The following LRCH2 variants were observed in gnomAD, a reference collection of about 807,000 sequenced individuals.
LRCH2 encodes leucine-rich repeat and calponin homology domain-containing protein 2.
Under a neutral mutation model 68.9 loss-of-function variants are expected in LRCH2, and 38 were observed. The observed-to-expected ratio is 0.55, with a 90% CI of 0.43 to 0.72. The LOEUF (loss-of-function observed/expected upper bound fraction) is 0.72. LRCH2 is among the 30% of genes least tolerant of loss of function. The probability of loss-of-function intolerance (pLI) is 0.00; values close to 1 mark genes in which losing one functional copy is unlikely to be tolerated. For synonymous variants in LRCH2, 191 were observed against 208.1 expected, an observed-to-expected ratio of 0.92 and a Z score of 0.71; for missense variants, 528 against 572.9, an observed-to-expected ratio of 0.92 and a Z score of 0.80.
At chrX:115,176,361 T>C (rs782728948) in intron 5 of LRCH2, among the ~76,000 whole-genome samples, 1 of 111,908 alleles carries the variant, frequency 8.9e-6, no homozygotes, top group Admixed American at 9.5e-5. Flanking sequence ...ACAGGCATCC[T>C]AACAAGTGTG....
At chrX:115,124,607 T>C (rs782156338) in intron 16 of LRCH2, among the ~76,000 whole-genome samples, 9 of 112,329 alleles carry the variant, frequency 8.0e-5, no homozygotes, top group Non-Finnish European at 1.5e-4. Flanking sequence ...TGATTGTTTC[T>C]TCATCTTTCA....
rs782185137 is a variant in LRCH2 at position 115,130,155 on chromosome X, CTCA to C, written c.1737_1739del (p.Asp579del). ...AATTATTAATATTATCTTTTCTCAC[CTCA>C]TCATTTTCATTGCCACTTGAACTCT... On this transcript the variant is annotated inframe_deletion and splice_region_variant, in exon 15 of 21. Transcript: ENST00000317135. 2.0e-6 allele frequency: 2 copies of C among 1,021,814 alleles called. No individual in the cohort carries two copies. The highest frequency in any genetic ancestry group is 6.6e-5 in the East Asian group (2 of 30,423). 84.2% of individuals were successfully genotyped at this position (1,021,814 alleles called of 1,213,427 possible).
chrX:115,181,393 A>C (rs782484582), intron 3 of LRCH2, among the ~76,000 whole-genome samples: 1 of 112,519 alleles, frequency 8.9e-6, no homozygotes, highest in South Asian at 3.6e-4. Flanking sequence ...TGAAAATGTT[A>C]TTTAAACATT....
At position 115,190,119 on chromosome X, in the gene LRCH2, G is replaced by A. The variant is rs782549198; in HGVS notation, c.350-1749C>T. 1.7e-5 allele frequency: 20 copies of A among 1,156,775 alleles called. No homozygotes were observed. The South Asian group carries it at 2.5e-4, about 15-fold the overall frequency. On this transcript the variant is annotated intron_variant, in intron 1 of 20. Transcript: ENST00000317135. Reference sequence around the variant, plus strand: ...GCAGTGGAATGCCTGGGAAGGCCCCGGCCGTGTGGGGGCAAGATGGCTACT... The same window carrying A: ...GCAGTGGAATGCCTGGGAAGGCCCCAGCCGTGTGGGGGCAAGATGGCTACT...
chrX:115,193,122 TAAAAA>T (rs1394007637), intron 1 of LRCH2, among the ~76,000 whole-genome samples: 9 of 111,081 alleles, frequency 8.1e-5, no homozygotes, highest in Admixed American at 9.6e-5. Context: ...TTCCCAGTAT[TAAAAA>T]CCAAACAACC....
intron 12 of LRCH2, among the ~76,000 whole-genome samples, chrX:115,154,936 G>C (rs868947650): frequency 6.6e-5 from 7 of 105,441 alleles, no homozygotes; most frequent in South Asian, 4.4e-4. Flanking sequence ...TGAGGCAGGT[G>C]AATCACTTGA....
intron 1 of LRCH2, among the ~76,000 whole-genome samples, chrX:115,221,450 G>A (rs1336322110): frequency 9.2e-6 from 1 of 108,828 alleles, no homozygotes; most frequent in Non-Finnish European, 1.9e-5. Flanking sequence ...AAACACAGAG[G>A]AAAACCAAAG....
At chrX:115,184,628 C>G (rs1487848792) in intron 2 of LRCH2, 91 bp from the exon 3 acceptor site, 3 of 824,152 alleles carry the variant, frequency 3.6e-6, no homozygotes, top group Non-Finnish European at 4.9e-6. Flanking sequence ...AAATAATATT[C>G]TATCACTAAG....
intron 1 of LRCH2, among the ~76,000 whole-genome samples, chrX:115,223,234 T>C (rs1160784860): frequency 5.4e-5 from 6 of 111,440 alleles, no homozygotes; most frequent in African/African-American, 2.0e-4. Flanking sequence ...GCTAAAACTA[T>C]AAACTCAGAA....
At position 115,113,358 on chromosome X, in the gene LRCH2, T is replaced by C. The variant is rs373202713; in HGVS notation, c.2179-23A>G. ...TTCCTGGAGAAAAAAAAGAGATATT[T>C]GAACATTCATTTTTTAGAAGTGTAA... On this transcript the variant is annotated intron_variant, in intron 20 of 20. Coordinates refer to ENST00000317135, the MANE Select transcript of LRCH2 (RefSeq NM_020871.4). The C allele has an allele frequency of 1.2e-5, 14 of 1,121,393 alleles. No individual in the cohort carries two copies. In the African/African-American group the frequency reaches 1.3e-4, roughly 10 times the overall value. 92.4% of individuals were successfully genotyped at this position (1,121,393 alleles called of 1,213,427 possible).
At chrX:115,213,477 A>C (rs376151449) in intron 1 of LRCH2, among the ~76,000 whole-genome samples, 14 of 111,775 alleles carry the variant, frequency 1.3e-4, no homozygotes, top group African/African-American at 4.6e-4. Context: ...ATTTGACAAA[A>C]TTCCATTAAA....
rs1392793002 is a variant in LRCH2 at position 115,184,601 on chromosome X, G to T, written c.495-64C>A. 1.6e-5 allele frequency: 15 copies of T among 936,771 alleles called. No individual in the cohort carries two copies. In the East Asian group the frequency reaches 4.7e-4, roughly 29 times the overall value. 77.2% of individuals were successfully genotyped at this position (936,771 alleles called of 1,213,427 possible). On this transcript the variant is annotated intron_variant, in intron 2 of 20. Coordinates refer to ENST00000317135, the MANE Select transcript of LRCH2 (RefSeq NM_020871.4). The stretch of plus-strand genomic sequence containing the variant: ...TGTAATGTGACATATTAAAAACGAA[G>T]AAATCACTTTGTAAGTAAATAATAT...
chrX:115,219,508 A>G (rs1316514939), intron 1 of LRCH2, among the ~76,000 whole-genome samples: 2 of 111,637 alleles, frequency 1.8e-5, no homozygotes, highest in African/African-American at 6.5e-5. Flanking sequence ...GACAAGACCA[A>G]ATGGATTCAG....
At chrX:115,156,102 T>C (rs1183932021) in intron 12 of LRCH2, among the ~76,000 whole-genome samples, 2 of 111,128 alleles carry the variant, frequency 1.8e-5, no homozygotes, top group Admixed American at 9.6e-5. Flanking sequence ...CTGAACATTC[T>C]CAGAGGATTG....
At chrX:115,146,244 AAGAT>A (rs1422069669) in intron 14 of LRCH2, among the ~76,000 whole-genome samples, 2 of 111,448 alleles carry the variant, frequency 1.8e-5, no homozygotes, top group African/African-American at 6.5e-5. Context: ...TGAACTCATA[AAGAT>A]AGAGAGTAGA....
At chrX:115,224,104 C>A (rs1483249820) in intron 1 of LRCH2, among the ~76,000 whole-genome samples, 1 of 111,342 alleles carries the variant, frequency 9.0e-6, no homozygotes, top group Non-Finnish European at 1.9e-5. Context: ...GTTAAAGAAG[C>A]CAATCATAAA....
chrX:115,146,906 T>TACACAC lies in LRCH2; in HGVS notation c.1695+2915_1695+2920dup, dbSNP rs57837250. Reference sequence around the variant, plus strand: ...AATACAGTTGGATTTCTTACATACATACACACACACACACACACACACACA... The same window carrying TACACAC: ...AATACAGTTGGATTTCTTACATACATACACACACACACACACACACACACACACACA... On this transcript the variant is annotated intron_variant, in intron 14 of 20. Transcript: ENST00000317135. 8.7e-4 allele frequency among the ~76,000 whole-genome samples: 59 copies of TACACAC among 67,562 alleles called. 1 individual carries two copies. The highest frequency in any genetic ancestry group is 1.1e-3 in the African/African-American group (19 of 17,530). The allele number at this position is 67,562 out of a possible 115,157, so 58.7% of individuals were successfully genotyped here. A position where few individuals can be genotyped will look rare whatever the true frequency, so the allele number is the denominator to read the frequency against.
intron 14 of LRCH2, among the ~76,000 whole-genome samples, chrX:115,138,618 CAT>C (rs1280466768): frequency 1.8e-5 from 2 of 111,273 alleles, no homozygotes; most frequent in Non-Finnish European, 3.8e-5. Flanking sequence ...GCAGGAAAGA[CAT>C]AGAAGAATAA....
chrX:115,126,984 A>G (rs1168170957), intron 15 of LRCH2, 91 bp from the exon 16 acceptor site: 6 of 552,569 alleles, frequency 1.1e-5, no homozygotes, highest in Non-Finnish European at 1.3e-5. Context: ...TGTTCTGACC[A>G]ACTACTAAAG....
Sources: allele counts gnomAD v4.1 joint callset (sites outside exome capture counted in the v4.1 genomes callset), GRCh38; gene constraint gnomAD v4.1.1; transcripts MANE v1.5; gene names NCBI Gene and HGNC (gene_info 2026-07-23, HGNC 2026-07-21).